TTC23: variants seen among roughly 807,000 people sequenced by gnomAD.
The protein encoded by TTC23 is tetratricopeptide repeat domain 23, also known as tetratricopeptide repeat protein 23.
TTC23 carries 58 observed loss-of-function variants against 55.1 expected under a neutral mutation model. The observed-to-expected ratio is 1.05, with a 90% CI of 0.85 to 1.31. The LOEUF is 1.31. Ranked by LOEUF, TTC23 falls within the 50% of genes most tolerant of loss-of-function variation. The pLI is 0.00. For synonymous variants in TTC23, 203 were observed against 199.9 expected (o/e 1.02, Z -0.13); for missense variants, 516 against 534.4 (o/e 0.97, Z 0.34).
intron 12 of TTC23, among the ~76,000 whole-genome samples, chr15:99,146,993 C>T (rs2068955983): frequency 1.3e-5 from 2 of 151,864 alleles, no homozygotes; most frequent in Admixed American, 6.5e-5. Context: ...CGGCTCACTG[C>T]AACCTCTGCC....
At position 99,138,088 on chromosome 15, in the gene TTC23, T is replaced by TA; in HGVS notation, c.1265_1266insT (p.Lys422AsnfsTer32). 1 of 1,613,380 alleles carries TA rather than the reference T, an allele frequency of 6.2e-7. No homozygotes were observed. The highest frequency in any genetic ancestry group is 1.7e-5 in the Admixed American group (1 of 60,002). ...TGCTGGTGCAGAAGGCCACTTTGGCTTTTGATGCCTGCCTTGGCTTCGAAG... is the reference window on the plus strand; with the variant it reads ...TGCTGGTGCAGAAGGCCACTTTGGCTATTTGATGCCTGCCTTGGCTTCGAAG... On this transcript the variant is annotated frameshift_variant, in exon 14 of 14. Coordinates refer to ENST00000394132, the MANE Select transcript of TTC23 (RefSeq NM_001288615.3). LOFTEE classifies it high-confidence loss of function.
intron 9 of TTC23, among the ~76,000 whole-genome samples, chr15:99,182,412 T>C (rs948653257): frequency 6.6e-6 from 1 of 152,194 alleles, no homozygotes; most frequent in African/African-American, 2.4e-5. Context: ...CTGAGGATTA[T>C]TTTTGTATGG....
intron 9 of TTC23, among the ~76,000 whole-genome samples, chr15:99,178,950 A>T (rs4965450): frequency 7.2e-5 from 11 of 152,234 alleles, no homozygotes; most frequent in African/African-American, 2.6e-4. Flanking sequence ...GCCTACCTGC[A>T]GGGACCTTGA....
rs1230105824 is a variant in TTC23, at chr15:99,187,462, A to AAAAAAAAG, written c.760-12308_760-12307insCTTTTTTT. On this transcript the variant is annotated intron_variant, in intron 9 of 13. Coordinates refer to ENST00000394132, the MANE Select transcript of TTC23 (RefSeq NM_001288615.3). ...TGCCAAAAGCACAAGCAAAAAAAAA[A>AAAAAAAAG]AAAAAACAAAACAAAAGAAACCCAA... 2.7e-4 allele frequency among the ~76,000 whole-genome samples: 36 copies of AAAAAAAAG among 132,532 alleles called. 1 individual carries two copies. The highest frequency in any genetic ancestry group is 4.1e-4 in the Non-Finnish European group (25 of 60,696). The allele number at this position is 132,532 out of a possible 152,430, so 86.9% of individuals were successfully genotyped here. A position where few individuals can be genotyped will look rare whatever the true frequency, so the allele number is the denominator to read the frequency against.
intron 8 of TTC23, among the ~76,000 whole-genome samples, chr15:99,200,672 TACAC>T (rs1394205570): frequency 6.6e-6 from 1 of 152,128 alleles, no homozygotes; most frequent in Admixed American, 6.6e-5. Flanking sequence ...CACATATATG[TACAC>T]ACACACGCAC....
chr15:99,167,879 C>T (rs1232335402), intron 10 of TTC23, among the ~76,000 whole-genome samples: 4 of 152,188 alleles, frequency 2.6e-5, no homozygotes, highest in African/African-American at 7.2e-5. Context: ...GTACCAACCG[C>T]AAAGGACCCC....
At chr15:99,153,608 T>C (rs544176441) in intron 12 of TTC23, among the ~76,000 whole-genome samples, 2 of 152,348 alleles carry the variant, frequency 1.3e-5, no homozygotes, top group South Asian at 4.1e-4. Context: ...ATGTAACTTA[T>C]GAGATACATT....
At chr15:99,183,069 T>G (rs2151949001) in intron 9 of TTC23, among the ~76,000 whole-genome samples, 1 of 152,264 alleles carries the variant, frequency 6.6e-6, no homozygotes, top group South Asian at 2.1e-4. Context: ...GACAGGAAGA[T>G]GTGGGCAAGT....
At chr15:99,152,078 G>T (rs1364983356) in intron 12 of TTC23, among the ~76,000 whole-genome samples, 1 of 152,214 alleles carries the variant, frequency 6.6e-6, no homozygotes, top group Non-Finnish European at 1.5e-5. Flanking sequence ...TACAGGTGGG[G>T]ATTTCTCATG....
chr15:99,237,479 T>C (rs1419223931), intron 3 of TTC23, among the ~76,000 whole-genome samples: 1 of 152,192 alleles, frequency 6.6e-6, no homozygotes, highest in East Asian at 1.9e-4. Context: ...AAGGGATGAA[T>C]ATGTTGCGAC....
intron 4 of TTC23, among the ~76,000 whole-genome samples, chr15:99,232,770 AT>A (rs2079032406): frequency 6.6e-6 from 1 of 152,224 alleles, no homozygotes; most frequent in Non-Finnish European, 1.5e-5. Flanking sequence ...CATATGATCC[AT>A]GAATCCCACT....
At chr15:99,186,530 C>A (rs2074677896) in intron 9 of TTC23, among the ~76,000 whole-genome samples, 1 of 151,938 alleles carries the variant, frequency 6.6e-6, no homozygotes, top group Non-Finnish European at 1.5e-5. Context: ...TAACTTAGGG[C>A]CACAGCAAAG....
chr15:99,173,586 TA>T (rs1167052597), intron 10 of TTC23, among the ~76,000 whole-genome samples: 1 of 151,870 alleles, frequency 6.6e-6, no homozygotes. Context: ...ACCCTGTCTC[TA>T]AAAAAATAAA....
At chr15:99,162,844 C>T (rs1381744402) in intron 10 of TTC23, among the ~76,000 whole-genome samples, 1 of 151,972 alleles carries the variant, frequency 6.6e-6, no homozygotes, top group Non-Finnish European at 1.5e-5. Context: ...CTTTGGGAGG[C>T]CAAGGTGGGA....
intron 8 of TTC23, among the ~76,000 whole-genome samples, chr15:99,207,190 A>T (rs2076692738): frequency 6.6e-6 from 1 of 152,204 alleles, no homozygotes; most frequent in Non-Finnish European, 1.5e-5. Flanking sequence ...TAAGAACAGA[A>T]AAGATAGGTA....
At position 99,228,714 on chromosome 15, in the gene TTC23, T is replaced by C; in HGVS notation, c.-2A>G. 1 of 1,584,824 alleles carries C rather than the reference T, an allele frequency of 6.3e-7. No individual in the cohort carries two copies. The highest frequency in any genetic ancestry group is 2.2e-5 in the East Asian group (1 of 44,572). ...GTGGGTTTCCTGTGATTCTTGCATATTTTTATATACATTGTCTTCTAATTT... is the reference window on the plus strand; with the variant it reads ...GTGGGTTTCCTGTGATTCTTGCATACTTTTATATACATTGTCTTCTAATTT... On this transcript the variant is annotated 5_prime_UTR_variant, in exon 5 of 14. Coordinates refer to ENST00000394132, the MANE Select transcript of TTC23 (RefSeq NM_001288615.3).
At chr15:99,220,918 G>A (rs1277629069) in intron 6 of TTC23, among the ~76,000 whole-genome samples, 2 of 152,106 alleles carry the variant, frequency 1.3e-5, no homozygotes, top group African/African-American at 4.8e-5. Flanking sequence ...TCCCTTTTGG[G>A]ATGCCTGGCT....
intron 8 of TTC23, among the ~76,000 whole-genome samples, chr15:99,203,586 T>G (rs2076366734): frequency 6.6e-6 from 1 of 152,128 alleles, no homozygotes; most frequent in African/African-American, 2.4e-5. Context: ...TTCACCTGTA[T>G]TTTTATACCC....
At chr15:99,181,387 G>A (rs2074099099) in intron 9 of TTC23, among the ~76,000 whole-genome samples, 1 of 152,188 alleles carries the variant, frequency 6.6e-6, no homozygotes, top group Admixed American at 6.5e-5. Flanking sequence ...ACTTTAGAGG[G>A]ATGCCATAAA....
Sources: gnomAD v4.1 joint callset for allele counts (sites outside exome capture counted in the v4.1 genomes callset) on GRCh38, gnomAD v4.1.1 for gene constraint, MANE v1.5 for transcripts, NCBI Gene and HGNC (gene_info 2026-07-23, HGNC 2026-07-21) for gene names.